C1GALT1: variants seen among roughly 807,000 people sequenced by gnomAD.
C1GALT1 encodes the protein glycoprotein-N-acetylgalactosamine 3-beta-galactosyltransferase 1.
In C1GALT1, 11 loss-of-function variants were observed where a neutral mutation model predicts 31.0. That is an observed-to-expected ratio of 0.36 (90% CI 0.22 to 0.59). The LOEUF is 0.59. Ranked by LOEUF, C1GALT1 falls within the 20% of genes least tolerant of loss-of-function variation. The pLI, the probability that C1GALT1 is intolerant of heterozygous loss-of-function variation, is 0.79. For missense variants in C1GALT1, 424 were observed against 425.2 expected (o/e 1.00, Z 0.03); for synonymous variants, 175 against 143.6 (o/e 1.22, Z -1.56).
chr7:7,167,267 G>A (rs1182881289), intron 2 of C1GALT1, among the ~76,000 whole-genome samples: 1 of 152,178 alleles, frequency 6.6e-6, no homozygotes, highest in Admixed American at 6.6e-5. Context: ...TGTTTCTCAG[G>A]AGTTTGCCCC....
At chr7:7,204,114 T>G (rs1236631274) in intron 1 of C1GALT1, among the ~76,000 whole-genome samples, 2 of 151,238 alleles carry the variant, frequency 1.3e-5, no homozygotes, top group Non-Finnish European at 2.9e-5. Flanking sequence ...TTTTTTTGTT[T>G]TTTTGTTTTT....
intron 1 of C1GALT1, among the ~76,000 whole-genome samples, chr7:7,200,311 G>C (rs1223651754): frequency 6.6e-6 from 1 of 152,138 alleles, no homozygotes; most frequent in Non-Finnish European, 1.5e-5. Flanking sequence ...GCTTAGTTTG[G>C]CTGGATATGA....
intron 2 of C1GALT1, among the ~76,000 whole-genome samples, chr7:7,158,157 C>T (rs1422476902): frequency 6.6e-6 from 1 of 152,072 alleles, no homozygotes; most frequent in African/African-American, 2.4e-5. Flanking sequence ...TTGTAGAGTC[C>T]ACTCTAGTCT....
intron 1 of C1GALT1, among the ~76,000 whole-genome samples, chr7:7,225,746 A>T (rs184206638): frequency 8.3e-4 from 126 of 152,344 alleles, no homozygotes; most frequent in African/African-American, 3.0e-3. Flanking sequence ...ACATCCTCCC[A>T]GTCCATTCTT....
chr7:7,183,955 G>T (rs1049579280), intron 1 of C1GALT1, among the ~76,000 whole-genome samples: 1 of 152,316 alleles, frequency 6.6e-6, no homozygotes, highest in African/African-American at 2.4e-5. Flanking sequence ...GTTGGGCATA[G>T]AACATAGCTC....
rs1783810065 is a variant in C1GALT1 at position 7,245,561 on chromosome 7, G to A, written c.*1834G>A. On this transcript the variant is annotated 3_prime_UTR_variant, in exon 4 of 4. Transcript: ENST00000436587. ...TATTTGAGAGGATGTTCATTTCATT[G>A]GTTAACCATGGACTACTCTGTCCAC... is the stretch of plus-strand genomic sequence containing the variant. 6.6e-6 allele frequency: 1 copy of A among 152,122 alleles called. No individual in the cohort carries two copies. Among genetic ancestry groups the A allele is most frequent in the Non-Finnish European group, 1.5e-5 (1 of 68,010 alleles). 9.4% of individuals were successfully genotyped at this position (152,122 alleles called of 1,614,324 possible).
intron 1 of C1GALT1, among the ~76,000 whole-genome samples, chr7:7,206,671 C>G (rs1263441104): frequency 8.6e-6 from 1 of 116,016 alleles, no homozygotes; most frequent in Admixed American, 9.7e-5. Context: ...AGCAAAACTC[C>G]GTCTCAAAAA....
Position 7,243,693 on chromosome 7 carries a change from A to T in C1GALT1, c.1058A>T (p.Asn353Ile). ...AAGGAAATTAGTCAAGCAAACAAAA[A>T]TGAAGATACAAAAGTGAAGTTAGGA... Reference protein sequence around the residue: ...ILKEISQANKNEDTKVKLGNP With the variant: ...ILKEISQANKIEDTKVKLGNP Residue 353 changes from asparagine (N) to isoleucine (I), a missense_variant, in exon 4 of 4, where the codon AAT (asparagine) becomes ATT (isoleucine). By Grantham distance (149) the Asn-to-Ile change is moderately radical. Around this residue, in one of 3 missense-constraint regions of C1GALT1, gnomAD observed 191 missense variants for 188.8 expected, o/e 1.01. Transcript: ENST00000436587. 6.2e-7 allele frequency: 1 copy of T among 1,608,326 alleles called. No homozygotes were observed. Among genetic ancestry groups the T allele is most frequent in the Non-Finnish European group, 8.5e-7 (1 of 1,178,272 alleles).
chr7:7,202,553 C>T (rs910186985), intron 1 of C1GALT1, among the ~76,000 whole-genome samples: 78 of 152,148 alleles, frequency 5.1e-4, no homozygotes, highest in African/African-American at 1.5e-3. Context: ...TGCTTTTTTT[C>T]CTCTGAATTC....
chr7:7,190,853 G>A (rs542914362), intron 1 of C1GALT1, among the ~76,000 whole-genome samples: 1 of 152,048 alleles, frequency 6.6e-6, no homozygotes, highest in East Asian at 1.9e-4. Flanking sequence ...AATACTTTTT[G>A]CCAAGTTATA....
At chr7:7,213,485 C>G (rs1782101561) in intron 1 of C1GALT1, among the ~76,000 whole-genome samples, 1 of 152,180 alleles carries the variant, frequency 6.6e-6, no homozygotes, top group Non-Finnish European at 1.5e-5. Context: ...TCTTATGTGA[C>G]TAAACATGTC....
chr7:7,158,869 T>A (rs1780302433), intron 2 of C1GALT1, among the ~76,000 whole-genome samples: 1 of 152,268 alleles, frequency 6.6e-6, no homozygotes, highest in Middle Eastern at 3.4e-3. Context: ...GCCTATTGAT[T>A]TTCTTAATGA....
At chr7:7,216,044 T>C (rs1782224691) in intron 1 of C1GALT1, among the ~76,000 whole-genome samples, 1 of 152,078 alleles carries the variant, frequency 6.6e-6, no homozygotes, top group East Asian at 1.9e-4. Context: ...CTAAAAGATC[T>C]GAGTTGATCT....
intron 1 of C1GALT1, among the ~76,000 whole-genome samples, chr7:7,211,483 C>G (rs1196302624): frequency 6.6e-6 from 1 of 152,168 alleles, no homozygotes; most frequent in African/African-American, 2.4e-5. Context: ...TATTCCTGCT[C>G]TAAGGATAAT....
intron 1 of C1GALT1, among the ~76,000 whole-genome samples, chr7:7,222,952 T>A (rs1243304435): frequency 2.0e-5 from 3 of 151,930 alleles, no homozygotes; most frequent in African/African-American, 4.8e-5. Flanking sequence ...AAGCTTTTTT[T>A]AAAAAAAAGT....
intron 2 of C1GALT1, among the ~76,000 whole-genome samples, chr7:7,162,443 A>C (rs1393606978): frequency 5.3e-5 from 8 of 150,494 alleles, no homozygotes; most frequent in Non-Finnish European, 1.2e-4. Context: ...AAGGACATGA[A>C]CTCATCATTT....
chr7:7,205,172 G>A (rs1050924493), intron 1 of C1GALT1, among the ~76,000 whole-genome samples: 37 of 151,742 alleles, frequency 2.4e-4, no homozygotes, highest in Non-Finnish European at 4.4e-4. Flanking sequence ...CCTTTGGTTC[G>A]TTCATCTCAG....
chr7:7,238,836 C>A lies in C1GALT1; in HGVS notation c.802C>A (p.Pro268Thr). ...RDTIGKETFH[P>T]FVPEHHLIKG... ...TACCATTGGAAAAGAAACTTTTCAT[C>A]CCTTTGTGCCAGAACACCATTTAAT... is the stretch of plus-strand genomic sequence containing the variant. Residue 268 changes from proline (P) to threonine (T), a missense_variant, in exon 3 of 4, where the codon CCC becomes ACC. This residue lies in a region of C1GALT1 where 191 missense variants were observed against 188.8 expected (regional missense o/e 1.01). Coordinates refer to ENST00000436587, the MANE Select transcript of C1GALT1 (RefSeq NM_020156.5). The surrounding 1 kb of genome is among the most constrained non-coding windows in gnomAD (Gnocchi z 5.2). 6.2e-7 allele frequency: 1 copy of A among 1,613,800 alleles called. No homozygotes were observed. Among genetic ancestry groups the A allele is most frequent in the Non-Finnish European group, 8.5e-7 (1 of 1,179,824 alleles).
At chr7:7,196,041 GTTGTTGTTGTTT>G (rs1781270070) in intron 1 of C1GALT1, among the ~76,000 whole-genome samples, 1 of 151,838 alleles carries the variant, frequency 6.6e-6, no homozygotes. Context: ...TGTTGTTGTT[GTTGTTGTTGTTT>G]TTGTAATTTA....
Sources: allele counts gnomAD v4.1 joint callset (sites outside exome capture counted in the v4.1 genomes callset), GRCh38; gene constraint gnomAD v4.1.1; regional missense constraint gnomAD v4.1.1; non-coding constraint Gnocchi (gnomAD v3.1); transcripts MANE v1.5; gene names NCBI Gene and HGNC (gene_info 2026-07-23, HGNC 2026-07-21).